The following TUBD1 variants were observed in gnomAD, a reference collection of about 807,000 sequenced individuals.
TUBD1 encodes the protein tubulin delta 1.
TUBD1 carries 38 observed loss-of-function variants against 51.2 expected under a neutral mutation model. That is an observed-to-expected ratio of 0.74 (90% CI 0.57 to 0.97). The LOEUF (loss-of-function observed/expected upper bound fraction) is 0.97. TUBD1 is among the 50% of genes least tolerant of loss of function. The probability of loss-of-function intolerance (pLI) is 0.00; values close to 1 mark genes in which losing one functional copy is unlikely to be tolerated. For missense variants in TUBD1, 489 were observed against 538.4 expected (o/e 0.91, Z 0.91); for synonymous variants, 169 against 178.2 (o/e 0.95, Z 0.41).
chr17:59,891,885 A>T (rs2041082145), intron 1 of TUBD1: 1 of 151,958 alleles, frequency 6.6e-6, no homozygotes, highest in Non-Finnish European at 1.5e-5. Context: ...GGATCCCCTG[A>T]GCCTGGGAGG....
At chr17:59,872,353 C>A (rs1333141046) in intron 6 of TUBD1, among the ~76,000 whole-genome samples, 2 of 151,928 alleles carry the variant, frequency 1.3e-5, no homozygotes, top group Non-Finnish European at 2.9e-5. Flanking sequence ...CCTTAGCCTC[C>A]CAAAGTGCTG....
At chr17:59,883,403 G>A (rs989655270) in intron 3 of TUBD1, among the ~76,000 whole-genome samples, 3 of 151,742 alleles carry the variant, frequency 2.0e-5, no homozygotes, top group Non-Finnish European at 2.9e-5. Context: ...CCGAGTAGCT[G>A]GGATGGCAGC....
At chr17:59,884,384 G>A (rs1191086283) in intron 3 of TUBD1, among the ~76,000 whole-genome samples, 5 of 152,138 alleles carry the variant, frequency 3.3e-5, no homozygotes, top group African/African-American at 7.2e-5. Context: ...AGGCCAAGGC[G>A]GGTGGATCAC....
At chr17:59,882,655 T>C (rs1165774184) in intron 3 of TUBD1, among the ~76,000 whole-genome samples, 2 of 152,156 alleles carry the variant, frequency 1.3e-5, no homozygotes, top group Non-Finnish European at 2.9e-5. Flanking sequence ...TGGAGTGAAA[T>C]GTGAAGTGCA....
At chr17:59,865,836 C>T (rs977070816) in intron 7 of TUBD1, among the ~76,000 whole-genome samples, 10 of 151,996 alleles carry the variant, frequency 6.6e-5, no homozygotes, top group African/African-American at 1.7e-4. Flanking sequence ...CCTAGCTGGG[C>T]GCAGTGGCTC....
intron 3 of TUBD1, 65 bp downstream of exon 3, chr17:59,886,018 T>C: frequency 6.5e-7 from 1 of 1,547,792 alleles, no homozygotes; most frequent in Non-Finnish European, 8.9e-7. Context: ...CAGTTCTAAC[T>C]TTGCTATCTA....
At chr17:59,875,073 C>CTTTTTTT (rs10679203) in intron 5 of TUBD1, among the ~76,000 whole-genome samples, 4 of 87,286 alleles carry the variant, frequency 4.6e-5, no homozygotes, top group Admixed American at 1.6e-4. Flanking sequence ...TTGTTATATT[C>CTTTTTTT]TTTTTTTTTT....
intron 8 of TUBD1, 118 bp from the exon 9 acceptor site, chr17:59,860,542 G>A (rs972471392): frequency 4.6e-6 from 3 of 646,112 alleles, no homozygotes; most frequent in Non-Finnish European, 5.3e-6. Flanking sequence ...TCACACAATC[G>A]TTCAGAAGTC....
intron 2 of TUBD1, among the ~76,000 whole-genome samples, chr17:59,888,731 T>A (rs934868945): frequency 2.0e-5 from 3 of 151,748 alleles, no homozygotes; most frequent in Non-Finnish European, 4.4e-5. Context: ...TTTTGTCTTT[T>A]TTTTTTCTTT....
At chr17:59,860,797 G>C (rs1370116939) in intron 8 of TUBD1, among the ~76,000 whole-genome samples, 2 of 151,786 alleles carry the variant, frequency 1.3e-5, no homozygotes, top group Admixed American at 6.6e-5. Flanking sequence ...ATAATGGCCA[G>C]GCTGCTCTGG....
At chr17:59,885,464 G>A in intron 3 of TUBD1, 4 of 1,566,834 alleles carry the variant, frequency 2.6e-6, no homozygotes, top group South Asian at 1.1e-5. Flanking sequence ...CAGCCCGTGG[G>A]ACCAAAGCAG....
At chr17:59,881,418 C>G (rs2040483538) in intron 3 of TUBD1, among the ~76,000 whole-genome samples, 1 of 152,188 alleles carries the variant, frequency 6.6e-6, no homozygotes, top group South Asian at 2.1e-4. Context: ...ATTGCAACCT[C>G]TGGCATAAAT....
chr17:59,875,665 C>T (rs950233734), intron 5 of TUBD1, among the ~76,000 whole-genome samples: 2 of 150,818 alleles, frequency 1.3e-5, no homozygotes, highest in Non-Finnish European at 1.5e-5. Flanking sequence ...GAGGCTGAGG[C>T]GGGAGAATCG....
intron 6 of TUBD1, among the ~76,000 whole-genome samples, chr17:59,872,527 A>G (rs1407303862): frequency 6.6e-6 from 1 of 152,202 alleles, no homozygotes; most frequent in Non-Finnish European, 1.5e-5. Context: ...AATATAATCT[A>G]TGTACACAAG....
intron 7 of TUBD1, among the ~76,000 whole-genome samples, chr17:59,865,873 G>A (rs1306809040): frequency 6.6e-6 from 1 of 152,130 alleles, no homozygotes; most frequent in Non-Finnish European, 1.5e-5. Flanking sequence ...CACTTTGGGA[G>A]GCTGAGGTGG....
At chr17:59,886,322 CA>C (rs113094238) in intron 2 of TUBD1, 92 bp from the exon 3 acceptor site, 158,537 of 847,056 alleles carry the variant, frequency 0.19, no homozygotes, top group East Asian at 0.22. Context: ...TGTCCAAATC[CA>C]AAAAAAAAAA....
Position 59,885,342 on chromosome 17 carries a change from C to A in TUBD1, c.320+741G>T. ...TGCACTGGCAGCTAGACATGTATAC[C>A]AGGAATATGTCCCCCACACCTGTTT... On this transcript the variant is annotated intron_variant, in intron 3 of 8. Coordinates refer to ENST00000325752, the MANE Select transcript of TUBD1 (RefSeq NM_016261.4). 4.4e-6 allele frequency: 3 copies of A among 685,222 alleles called. No individual in the cohort carries two copies. In the South Asian group the frequency reaches 4.6e-5, roughly 10 times the overall value. The allele number at this position is 685,222 out of a possible 1,614,324, so 42.4% of individuals were successfully genotyped here.
At chr17:59,891,874 A>C (rs1229366613) in intron 1 of TUBD1, 3 of 152,006 alleles carry the variant, frequency 2.0e-5, no homozygotes, top group African/African-American at 7.2e-5. Flanking sequence ...CTGAGGTGGG[A>C]GGATCCCCTG....
chr17:59,878,120 T>C lies in TUBD1; in HGVS notation c.752A>G (p.Tyr251Cys), dbSNP rs1292779736. 4 of 1,613,942 alleles carry C rather than the reference T, an allele frequency of 2.5e-6. No individual in the cohort carries two copies. The highest frequency in any genetic ancestry group is 2.5e-6 in the Non-Finnish European group (3 of 1,179,872). ...PTYSAESSFH[Y>C]RRNPLGDLME... ...ACAAATACCTAGTGGATTTCGTCTG[T>C]AGTGAAATGAGCTTTCTGCAGAATA... Residue 251 changes from tyrosine to cysteine, a missense_variant, in exon 5 of 9, where the codon TAC becomes TGC. Physicochemically the swap from Tyr to Cys is radical, Grantham distance 194. Coordinates refer to ENST00000325752, the MANE Select transcript of TUBD1 (RefSeq NM_016261.4).
Sources: gnomAD v4.1 joint callset for allele counts (sites outside exome capture counted in the v4.1 genomes callset) on GRCh38, gnomAD v4.1.1 for gene constraint, MANE v1.5 for transcripts, NCBI Gene and HGNC (gene_info 2026-07-23, HGNC 2026-07-21) for gene names.